DNAH14: variants seen among roughly 807,000 people sequenced by gnomAD.
DNAH14 encodes the protein dynein axonemal heavy chain 14.
A neutral mutation model predicts 520.9 loss-of-function variants in DNAH14; 478 were observed. The observed-to-expected ratio is 0.92, with a 90% CI of 0.85 to 0.99. DNAH14 has a LOEUF of 0.99. Ranked by LOEUF, DNAH14 falls within the 50% of genes least tolerant of loss-of-function variation. The pLI, the probability that DNAH14 is intolerant of heterozygous loss-of-function variation, is 0.00. For missense variants in DNAH14, 4,831 were observed against 5,234.5 expected, an observed-to-expected ratio of 0.92 and a Z score of 2.38; for synonymous variants, 1,581 against 1,757.2, an observed-to-expected ratio of 0.90 and a Z score of 2.51.
At chr1:225,192,635 A>C in intron 37 of DNAH14, 61 bp from the exon 38 acceptor site, 2 of 1,203,638 alleles carry the variant, frequency 1.7e-6, no homozygotes, top group Non-Finnish European at 2.3e-6. Flanking sequence ...TAAGAATGCA[A>C]ATAAACTAAA....
intron 67 of DNAH14, 26 bp from the exon 68 acceptor site, chr1:225,338,035 T>C (rs1443163988): frequency 6.7e-7 from 1 of 1,497,696 alleles, no homozygotes; most frequent in East Asian, 2.5e-5. Flanking sequence ...ATGATTTTTC[T>C]TATTTTTGTC....
At chr1:225,325,119 T>G (rs2094630461) in intron 64 of DNAH14, among the ~76,000 whole-genome samples, 1 of 151,922 alleles carries the variant, frequency 6.6e-6, no homozygotes, top group African/African-American at 2.4e-5. Context: ...CTTTACAACT[T>G]CAGTTTACCA....
In DNAH14 at chr1:225,097,235, C is replaced by T. The variant is rs978026032; in HGVS notation, c.3691C>T (p.Arg1231Ter). ...ACCAGTCTTTCATTCTTCAGAAATA[C>T]GAAGGTAAAATACCTAAAATATACC... Reference protein sequence around the residue: ...LEPVFHSSEIRRQLPAETELF... With the variant: ...LEPVFHSSEI Residue 1231 changes from arginine (R) to a stop codon, truncating the protein, a stop_gained, in exon 22 of 86, where the codon CGA becomes TGA. Transcript: ENST00000682510. LOFTEE classifies it high-confidence loss of function. 9 of 1,549,200 alleles carry T rather than the reference C, an allele frequency of 5.8e-6. No homozygotes were observed. Among genetic ancestry groups the T allele is most frequent in the Non-Finnish European group, 7.0e-6 (8 of 1,145,892 alleles).
intron 7 of DNAH14, among the ~76,000 whole-genome samples, chr1:224,973,413 C>G (rs1212882105): frequency 2.6e-5 from 4 of 152,286 alleles, no homozygotes; most frequent in South Asian, 2.1e-4. Flanking sequence ...CCTCTAGATG[C>G]AAAGGCTACC....
intron 34 of DNAH14, among the ~76,000 whole-genome samples, chr1:225,156,706 A>ATTTTTTTT (rs1553483258): frequency 4.7e-5 from 5 of 106,762 alleles, no homozygotes; most frequent in South Asian, 3.4e-4. Context: ...TCCTCTTAAA[A>ATTTTTTTT]TTCTTTTTTT....
At chr1:225,173,938 A>T (rs1360125294) in intron 36 of DNAH14, among the ~76,000 whole-genome samples, 1 of 152,236 alleles carries the variant, frequency 6.6e-6, no homozygotes, top group Non-Finnish European at 1.5e-5. Context: ...GCATAAAAAA[A>T]TGATGAGTTC....
At chr1:225,323,349 T>C (rs1047930949) in intron 62 of DNAH14, among the ~76,000 whole-genome samples, 1 of 152,234 alleles carries the variant, frequency 6.6e-6, no homozygotes, top group African/African-American at 2.4e-5. Flanking sequence ...GTTTTGTTTT[T>C]GTTTTAAAAG....
intron 1 of DNAH14, among the ~76,000 whole-genome samples, chr1:224,944,143 G>C (rs1221811566): frequency 2.6e-5 from 4 of 152,026 alleles, no homozygotes; most frequent in Non-Finnish European, 5.9e-5. Context: ...TCTCTTTGTA[G>C]GTCTCTAAGG....
chr1:225,161,199 C>T (rs1365626366), intron 35 of DNAH14, among the ~76,000 whole-genome samples: 1 of 152,110 alleles, frequency 6.6e-6, no homozygotes, highest in East Asian at 1.9e-4. Flanking sequence ...TGGTAACCGT[C>T]CTTCTACTCT....
chr1:225,196,038 G>T (rs1056728891), intron 38 of DNAH14, among the ~76,000 whole-genome samples: 9 of 152,034 alleles, frequency 5.9e-5, no homozygotes, highest in African/African-American at 1.7e-4. Flanking sequence ...TATTTCCATA[G>T]GTTATTGGGG....
At chr1:225,178,341 A>C (rs1052541170) in intron 36 of DNAH14, among the ~76,000 whole-genome samples, 7 of 152,346 alleles carry the variant, frequency 4.6e-5, no homozygotes, top group South Asian at 2.1e-4. Flanking sequence ...GGCACTTCTT[A>C]CATGGTGTCA....
chr1:225,204,737 T>C (rs1406721451), intron 39 of DNAH14, among the ~76,000 whole-genome samples: 1 of 152,220 alleles, frequency 6.6e-6, no homozygotes, highest in African/African-American at 2.4e-5. Flanking sequence ...AATATGTATA[T>C]GACCTTGTCA....
At chr1:225,072,706 C>A (rs1572868168) in intron 17 of DNAH14, among the ~76,000 whole-genome samples, 1 of 152,278 alleles carries the variant, frequency 6.6e-6, no homozygotes, top group African/African-American at 2.4e-5. Flanking sequence ...GGTTGCTGAC[C>A]TTTAGATGGT....
chr1:225,085,563 A>C lies in DNAH14; in HGVS notation c.3347A>C (p.Glu1116Ala), dbSNP rs548874846. 9.1e-6 allele frequency: 14 copies of C among 1,546,164 alleles called. No homozygotes were observed. In the East Asian group the frequency reaches 3.4e-4, roughly 38 times the overall value. ...LALKMFQYEN[E>A]INDMSTSATN... The stretch of plus-strand genomic sequence containing the variant: ...TTTTAGATGTTTCAGTATGAAAATG[A>C]AATAAATGATATGTCAACCTCAGCA... Residue 1116 changes from glutamate to alanine, a missense_variant, in exon 21 of 86, where the codon GAA (glutamate) becomes GCA (alanine). Coordinates refer to ENST00000682510, the MANE Select transcript of DNAH14 (RefSeq NM_001367479.1).
At chr1:225,352,585 C>T (rs1318487191) in intron 72 of DNAH14, among the ~76,000 whole-genome samples, 1 of 152,108 alleles carries the variant, frequency 6.6e-6, no homozygotes, top group South Asian at 2.1e-4. Context: ...TATATTTCCA[C>T]CAGCAATATG....
intron 36 of DNAH14, among the ~76,000 whole-genome samples, chr1:225,172,897 G>A (rs2082870138): frequency 6.6e-6 from 1 of 152,138 alleles, no homozygotes; most frequent in African/African-American, 2.4e-5. Context: ...CATGGTACTG[G>A]TACCAAAACC....
intron 43 of DNAH14, among the ~76,000 whole-genome samples, chr1:225,246,374 C>T (rs1032710129): frequency 1.3e-5 from 2 of 152,050 alleles, no homozygotes; most frequent in Non-Finnish European, 2.9e-5. Flanking sequence ...CCAAATTTGA[C>T]AAATGGGATC....
chr1:225,332,830 CAAA>C (rs36110645), intron 65 of DNAH14, among the ~76,000 whole-genome samples: 47 of 90,826 alleles, frequency 5.2e-4, no homozygotes, highest in Middle Eastern at 5.7e-3. Context: ...CCTGTCTCTA[CAAA>C]AAAAAAAAAA....
At position 225,252,182 on chromosome 1, in the gene DNAH14, G is replaced by A. The variant is rs946247954; in HGVS notation, c.6749-119G>A. On this transcript the variant is annotated intron_variant, in intron 43 of 85. Coordinates refer to ENST00000682510, the MANE Select transcript of DNAH14 (RefSeq NM_001367479.1). ...GGCCTATACACTTGGATATACCCTTGGTGAATACTTATTATTTCTTGTTCA... is the reference window on the plus strand; with the variant it reads ...GGCCTATACACTTGGATATACCCTTAGTGAATACTTATTATTTCTTGTTCA... 16 of 695,774 alleles carry A rather than the reference G, an allele frequency of 2.3e-5. No individual in the cohort carries two copies. In the African/African-American group the frequency reaches 2.3e-4, roughly 10 times the overall value. The allele number at this position is 695,774 out of a possible 1,614,324, so 43.1% of individuals were successfully genotyped here.
Sources: gnomAD v4.1 joint callset for allele counts (sites outside exome capture counted in the v4.1 genomes callset) on GRCh38, gnomAD v4.1.1 for gene constraint, MANE v1.5 for transcripts, NCBI Gene and HGNC (gene_info 2026-07-23, HGNC 2026-07-21) for gene names.